The following CCDC7 variants were observed in gnomAD, a reference collection of about 807,000 sequenced individuals.
CCDC7 encodes the protein coiled-coil domain containing 7, also known as coiled-coil domain-containing protein 7.
Under a neutral mutation model 196.9 loss-of-function variants are expected in CCDC7, and 183 were observed. The ratio of observed to expected loss-of-function variants is 0.93; its 90% CI spans 0.82 to 1.05. The LOEUF (loss-of-function observed/expected upper bound fraction) is 1.05, where lower values mean the gene tolerates loss of function less well. CCDC7 is among the 50% of genes least tolerant of loss of function. The probability of loss-of-function intolerance (pLI) is 0.00; values close to 1 mark genes in which losing one functional copy is unlikely to be tolerated. For missense variants in CCDC7, 1,540 were observed against 1,482.2 expected (o/e 1.04, Z -0.64); for synonymous variants, 525 against 484.6 (o/e 1.08, Z -1.10).
chr10:32,512,483 G>A (rs1434088526), intron 9 of CCDC7: 3 of 152,328 alleles, frequency 2.0e-5, no homozygotes, highest in South Asian at 4.1e-4. Context: ...ATGAATTTCA[G>A]TGATTAGCTA....
chr10:32,646,297 A>G (rs1665595725), intron 20 of CCDC7, among the ~76,000 whole-genome samples: 2 of 151,624 alleles, frequency 1.3e-5, no homozygotes, highest in Admixed American at 1.3e-4. Flanking sequence ...TGTTTTTTTC[A>G]TGAACATGTT....
chr10:32,537,807 G>C (rs554556108), intron 11 of CCDC7, among the ~76,000 whole-genome samples: 3 of 152,118 alleles, frequency 2.0e-5, no homozygotes, highest in East Asian at 3.9e-4. Context: ...AGTTTTAGGT[G>C]TGCAGCCTTA....
intron 8 of CCDC7, among the ~76,000 whole-genome samples, chr10:32,478,506 G>A (rs77646068): frequency 0.046 from 7,051 of 152,126 alleles, 554 homozygotes; most frequent in African/African-American, 0.16. Flanking sequence ...TTTACAAAGA[G>A]TTTTTTAAAA....
chr10:32,801,717 G>A (rs2135047543), intron 29 of CCDC7, among the ~76,000 whole-genome samples: 1 of 152,244 alleles, frequency 6.6e-6, no homozygotes, highest in South Asian at 2.1e-4. Flanking sequence ...AGGAAAATCA[G>A]CATTGTCTTG....
At chr10:32,571,920 C>A in intron 16 of CCDC7, 27 bp downstream of exon 17, 1 of 1,561,500 alleles carries the variant, frequency 6.4e-7, no homozygotes, top group Middle Eastern at 1.7e-4. Flanking sequence ...AAATTTGTTC[C>A]CTCATTTTCT....
At chr10:32,572,420 CA>C (rs1318313378) in intron 16 of CCDC7, among the ~76,000 whole-genome samples, 1 of 151,998 alleles carries the variant, frequency 6.6e-6, no homozygotes. Flanking sequence ...TTCACATTAC[CA>C]TGGAGTAAAG....
At chr10:32,451,565 C>T (rs1201938148), upstream of CCDC7, 9 of 1,501,736 alleles carry the variant, frequency 6.0e-6, no homozygotes, top group East Asian at 2.1e-4. Context: ...CTGGTGTTTT[C>T]TCTGAATCTC....
At chr10:32,676,157 G>A (rs2074930200) in intron 21 of CCDC7, among the ~76,000 whole-genome samples, 1 of 108,086 alleles carries the variant, frequency 9.3e-6, no homozygotes, top group African/African-American at 3.2e-5. Context: ...TTTAATAAAT[G>A]GTGCTGGGAA....
At chr10:32,580,712 T>C (rs1167434005) in intron 16 of CCDC7, among the ~76,000 whole-genome samples, 6 of 152,108 alleles carry the variant, frequency 3.9e-5, no homozygotes, top group Admixed American at 3.3e-4. Context: ...CGTATTTGCA[T>C]TGATAATTAA....
At chr10:32,664,304 A>C (rs868108984) in intron 21 of CCDC7, 143 bp downstream of exon 22, 7 of 357,814 alleles carry the variant, frequency 2.0e-5, no homozygotes, top group Admixed American at 4.6e-5. Flanking sequence ...ATTTAAATAT[A>C]AATTGTGGAA....
chr10:32,880,712 T>A (rs2094760666), downstream of CCDC7, among the ~76,000 whole-genome samples: 1 of 152,210 alleles, frequency 6.6e-6, no homozygotes, highest in African/African-American at 2.4e-5. Flanking sequence ...CTTGAGTTAA[T>A]TTTTGTATAA....
chr10:32,729,304 T>G, intron 27 of CCDC7, 28 bp from the exon 29 acceptor site: 1 of 1,532,106 alleles, frequency 6.5e-7, no homozygotes, highest in Non-Finnish European at 8.8e-7. Context: ...CCAGAAGTTC[T>G]ATTGCACATC....
At chr10:32,477,804 A>G (rs75922929) in intron 8 of CCDC7, among the ~76,000 whole-genome samples, 3,046 of 152,270 alleles carry the variant, frequency 0.02, 104 homozygotes, top group African/African-American at 0.069. Flanking sequence ...GTTCTTCAAC[A>G]TTGTGTTGAC....
chr10:32,870,426 T>C (rs1362260027), intron 41 of CCDC7, among the ~76,000 whole-genome samples: 1 of 152,214 alleles, frequency 6.6e-6, no homozygotes, highest in Non-Finnish European at 1.5e-5. Context: ...AGAATGCTTA[T>C]GATTTTTGCA....
At position 32,515,710 on chromosome 10, in the gene CCDC7, A is replaced by ATT. The variant is rs59085645; in HGVS notation, c.873-2224_873-2223dup. On this transcript the variant is annotated intron_variant, in intron 9 of 41. Coordinates refer to ENST00000639629, the Ensembl canonical transcript of CCDC7. Reference sequence around the variant, plus strand: ...AGGCGCCTGCCACCACACCCGGCTAATTTTTTTTTTTTGTAGAGGCGGGGT... The same window carrying ATT: ...AGGCGCCTGCCACCACACCCGGCTAATTTTTTTTTTTTTTGTAGAGGCGGGGT... Among the ~76,000 whole-genome samples the ATT allele has an allele frequency of 9.0e-4, 131 of 145,802 alleles. 1 individual carries two copies. The Middle Eastern group carries it at 0.014, about 16-fold the overall frequency.
chr10:32,821,238 A>G (rs1172587858), intron 31 of CCDC7, among the ~76,000 whole-genome samples: 1 of 152,248 alleles, frequency 6.6e-6, no homozygotes, highest in Non-Finnish European at 1.5e-5. Flanking sequence ...CCACCAGAGA[A>G]ATGCAAATCA....
chr10:32,457,227 A>T (rs2034551638), intron 3 of CCDC7, among the ~76,000 whole-genome samples: 1 of 152,042 alleles, frequency 6.6e-6, no homozygotes, highest in Admixed American at 6.6e-5. Flanking sequence ...GCATTTGCAT[A>T]TTGGCAAGAA....
intron 26 of CCDC7, among the ~76,000 whole-genome samples, chr10:32,727,213 T>C (rs1292612274): frequency 6.6e-6 from 1 of 152,114 alleles, no homozygotes; most frequent in African/African-American, 2.4e-5. Context: ...ACTGAGAGGT[T>C]GTTGAGGTCT....
intron 21 of CCDC7, among the ~76,000 whole-genome samples, chr10:32,673,453 C>T (rs1471858866): frequency 6.6e-6 from 1 of 151,922 alleles, no homozygotes; most frequent in East Asian, 1.9e-4. Context: ...AATATATTAT[C>T]GTTTTCAGTG....
Sources: gnomAD v4.1 joint callset for allele counts (sites outside exome capture counted in the v4.1 genomes callset) on GRCh38, gnomAD v4.1.1 for gene constraint, MANE v1.5 for transcripts, NCBI Gene and HGNC (gene_info 2026-07-23, HGNC 2026-07-21) for gene names.